Variants in KLHL1 observed in about 807,000 individuals in gnomAD.
The protein encoded by KLHL1 is kelch-like protein 1.
In KLHL1, 47 loss-of-function variants were observed where a neutral mutation model predicts 77.7. The ratio of observed to expected loss-of-function variants is 0.60; its 90% CI spans 0.48 to 0.77. The LOEUF is 0.77. Ranked by LOEUF, KLHL1 falls within the 30% of genes least tolerant of loss-of-function variation. The pLI, the probability that KLHL1 is intolerant of heterozygous loss-of-function variation, is 0.00. For synonymous variants in KLHL1, 360 were observed against 325.2 expected, an observed-to-expected ratio of 1.11 and a Z score of -1.15; for missense variants, 925 against 910.8, an observed-to-expected ratio of 1.02 and a Z score of -0.20.
chr13:69,838,505 T>C (rs377428978), intron 6 of KLHL1, among the ~76,000 whole-genome samples: 1 of 151,926 alleles, frequency 6.6e-6, no homozygotes, highest in East Asian at 1.9e-4. Flanking sequence ...ACTAAATTAG[T>C]AAACACAATT....
intron 5 of KLHL1, among the ~76,000 whole-genome samples, chr13:69,855,431 T>C (rs1355429370): frequency 6.6e-6 from 1 of 151,940 alleles, no homozygotes; most frequent in East Asian, 1.9e-4. Flanking sequence ...GAGACAGAGA[T>C]AGAGATATGA....
At chr13:69,966,032 T>C (rs1850045282) in intron 2 of KLHL1, among the ~76,000 whole-genome samples, 2 of 152,204 alleles carry the variant, frequency 1.3e-5, no homozygotes. Flanking sequence ...AAAGTTATTA[T>C]GGTTTTTGCC....
At chr13:69,865,142 G>A (rs1256232228) in intron 5 of KLHL1, among the ~76,000 whole-genome samples, 1 of 152,042 alleles carries the variant, frequency 6.6e-6, no homozygotes, top group Non-Finnish European at 1.5e-5. Flanking sequence ...TTGCTACATT[G>A]CTCTGGCTGA....
chr13:70,087,677 G>A lies in KLHL1; in HGVS notation c.497+19526C>T, dbSNP rs188214484. ...AGATATCCTTTGAGCTGGGGCTGCT[G>A]GGATTTAAAATGAGGGAGAAAAACA... On this transcript the variant is annotated intron_variant, in intron 1 of 10. Coordinates refer to ENST00000377844, the MANE Select transcript of KLHL1 (RefSeq NM_020866.3). 3.9e-5 allele frequency among the ~76,000 whole-genome samples: 6 copies of A among 152,220 alleles called. No homozygotes were observed. In the East Asian group the frequency reaches 1.2e-3, roughly 29 times the overall value.
intron 5 of KLHL1, among the ~76,000 whole-genome samples, chr13:69,872,516 C>A (rs1007836130): frequency 5.9e-5 from 9 of 152,106 alleles, no homozygotes; most frequent in Non-Finnish European, 1.3e-4. Context: ...AATCCATGTG[C>A]CAGCGTGATG....
At chr13:69,727,054 G>T (rs1472883940) in intron 8 of KLHL1, among the ~76,000 whole-genome samples, 1 of 152,042 alleles carries the variant, frequency 6.6e-6, no homozygotes, top group African/African-American at 2.4e-5. Flanking sequence ...TATTAATTAT[G>T]TGTCTCGGGA....
chr13:69,714,882 C>A (rs1263983536), intron 9 of KLHL1, among the ~76,000 whole-genome samples: 6 of 152,134 alleles, frequency 3.9e-5, no homozygotes, highest in Non-Finnish European at 8.8e-5. Flanking sequence ...GTGTGAGCCA[C>A]TGCACCCGGC....
At chr13:69,734,245 A>G (rs1019221452) in intron 8 of KLHL1, among the ~76,000 whole-genome samples, 3 of 152,108 alleles carry the variant, frequency 2.0e-5, no homozygotes, top group Non-Finnish European at 2.9e-5. Flanking sequence ...TCACCATGTG[A>G]TGTGCCTGCT....
At chr13:69,760,174 A>G (rs1427100632) in intron 7 of KLHL1, among the ~76,000 whole-genome samples, 2 of 150,350 alleles carry the variant, frequency 1.3e-5, no homozygotes, top group African/African-American at 5.0e-5. Flanking sequence ...TGCTAAGCCT[A>G]TTAAGGAGTA....
At chr13:70,101,853 T>C (rs1413061455) in intron 1 of KLHL1, among the ~76,000 whole-genome samples, 1 of 151,582 alleles carries the variant, frequency 6.6e-6, no homozygotes, top group African/African-American at 2.4e-5. Flanking sequence ...CATCCTAACA[T>C]AGACAAAGTA....
chr13:69,835,723 AACAAAC>A (rs1378563984), intron 6 of KLHL1, among the ~76,000 whole-genome samples: 1 of 152,124 alleles, frequency 6.6e-6, no homozygotes, highest in African/African-American at 2.4e-5. Context: ...TGTCAGAAAC[AACAAAC>A]AACAGATTTA....
At chr13:69,797,490 T>C (rs779635481) in intron 6 of KLHL1, among the ~76,000 whole-genome samples, 3 of 152,176 alleles carry the variant, frequency 2.0e-5, no homozygotes, top group Admixed American at 6.5e-5. Flanking sequence ...ATATTTGCTA[T>C]GCTTTTTAAA....
In KLHL1 at chr13:70,108,183, T is replaced by C; in HGVS notation, c.-484A>G. 2.5e-6 allele frequency: 1 copy of C among 398,082 alleles called. No individual in the cohort carries two copies. Among genetic ancestry groups the C allele is most frequent in the Non-Finnish European group, 4.4e-6 (1 of 226,622 alleles). The allele number at this position is 398,082 out of a possible 1,614,324, so 24.7% of individuals were successfully genotyped here. On this transcript the variant is annotated 5_prime_UTR_variant, in exon 1 of 11. Transcript: ENST00000377844. The stretch of plus-strand genomic sequence containing the variant: ...TGTCCTTGCAGCTCAGAGTTCAGTG[T>C]CTGGAGAGCGCAGAGAGAAAGAGCC...
chr13:69,854,847 C>T (rs958086907), intron 5 of KLHL1, among the ~76,000 whole-genome samples: 6 of 152,044 alleles, frequency 3.9e-5, no homozygotes, highest in African/African-American at 9.6e-5. Flanking sequence ...AGGTATAGAA[C>T]GAGAATTCCA....
intron 1 of KLHL1, among the ~76,000 whole-genome samples, chr13:70,020,234 A>T (rs1418326663): frequency 6.6e-6 from 1 of 152,168 alleles, no homozygotes; most frequent in African/African-American, 2.4e-5. Context: ...TCAATACATA[A>T]ACTGAGGTTG....
chr13:70,034,260 T>G (rs571561165), intron 1 of KLHL1, among the ~76,000 whole-genome samples: 14 of 152,340 alleles, frequency 9.2e-5, no homozygotes, highest in Non-Finnish European at 1.3e-4. Flanking sequence ...ACAACAAAAT[T>G]ATTCACACAA....
intron 1 of KLHL1, among the ~76,000 whole-genome samples, chr13:69,996,910 A>AT (rs10549532): frequency 0.017 from 1,223 of 71,178 alleles, 80 homozygotes; most frequent in African/African-American, 0.037. Flanking sequence ...TATTCATTAA[A>AT]TTTTTTTTTT....
chr13:69,789,012 C>G (rs1243479977), intron 7 of KLHL1, among the ~76,000 whole-genome samples: 1 of 145,022 alleles, frequency 6.9e-6, no homozygotes, highest in East Asian at 2.0e-4. Context: ...CTGGACTCCA[C>G]AGGACTCTAT....
chr13:69,899,458 G>A (rs1015484655), intron 4 of KLHL1, among the ~76,000 whole-genome samples: 2 of 152,094 alleles, frequency 1.3e-5, no homozygotes, highest in African/African-American at 2.4e-5. Context: ...TCAATCTTAC[G>A]GTCTTAAGTA....
Sources: allele counts gnomAD v4.1 joint callset (sites outside exome capture counted in the v4.1 genomes callset), GRCh38; gene constraint gnomAD v4.1.1; transcripts MANE v1.5; gene names NCBI Gene and HGNC (gene_info 2026-07-23, HGNC 2026-07-21).